Variants in SFMBT2 observed in about 807,000 individuals in gnomAD.
SFMBT2 encodes the protein Scm like with four mbt domains 2, also known as scm-like with four MBT domains protein 2.
In SFMBT2, 38 loss-of-function variants were observed where a neutral mutation model predicts 110.1. The observed-to-expected ratio is 0.35, with a 90% CI of 0.27 to 0.45. The LOEUF (loss-of-function observed/expected upper bound fraction) is 0.45, where lower values mean the gene tolerates loss of function less well. SFMBT2 is among the 20% of genes least tolerant of loss of function. The pLI, the probability that SFMBT2 is intolerant of heterozygous loss-of-function variation, is 1.00. For missense variants in SFMBT2, 1,011 were observed against 1,094.9 expected (o/e 0.92, Z 1.08); for synonymous variants, 425 against 425.4 (o/e 1.00, Z 0.01).
intron 4 of SFMBT2, chr10:7,292,360 G>A (rs1461005475): frequency 4.9e-6 from 1 of 204,534 alleles, no homozygotes; most frequent in Non-Finnish European, 8.6e-6. Flanking sequence ...TTCCCTTGGA[G>A]ATTTGTAAAG....
At chr10:7,177,256 T>C (rs1838093767) in intron 16 of SFMBT2, among the ~76,000 whole-genome samples, 1 of 152,196 alleles carries the variant, frequency 6.6e-6, no homozygotes, top group South Asian at 2.1e-4. Context: ...GTACTTCATA[T>C]GCATCTCTAT....
chr10:7,399,245 T>G (rs559238561), intron 1 of SFMBT2, among the ~76,000 whole-genome samples: 6 of 152,138 alleles, frequency 3.9e-5, no homozygotes, highest in South Asian at 4.1e-4. Context: ...GTTTTGTTTT[T>G]TTTTTGAGAC....
intron 4 of SFMBT2, among the ~76,000 whole-genome samples, chr10:7,289,812 C>G (rs1842209848): frequency 6.6e-6 from 1 of 152,132 alleles, no homozygotes; most frequent in African/African-American, 2.4e-5. Flanking sequence ...CATGGAGTTA[C>G]CTTAACCACT....
chr10:7,381,876 G>A lies in SFMBT2; in HGVS notation c.23C>T (p.Ser8Phe), dbSNP rs1845433115. MESTLSA[S>F]NMQDPSSSPL... ...TGAAGATGAAGGGTCTTGCATATTG[G>A]AAGCTGACAAAGTGCTCTCCATGCC... is the stretch of plus-strand genomic sequence containing the variant. The change falls in exon 2 of 21, where the codon TCC becomes TTC. Residue 8 changes from serine to phenylalanine, a missense_variant. By Grantham distance (155) the Ser-to-Phe change is radical. Transcript: ENST00000397167. 6.2e-7 allele frequency: 1 copy of A among 1,610,072 alleles called. No individual in the cohort carries two copies. The highest frequency in any genetic ancestry group is 1.1e-5 in the South Asian group (1 of 90,574).
chr10:7,248,506 C>T, intron 8 of SFMBT2, 42 bp downstream of exon 8: 1 of 1,514,078 alleles, frequency 6.6e-7, no homozygotes, highest in South Asian at 1.1e-5. Flanking sequence ...TAATTTGATC[C>T]ACTCTAGGGG....
intron 8 of SFMBT2, chr10:7,244,286 G>T (rs763720371): frequency 5.1e-5 from 12 of 236,512 alleles, no homozygotes; most frequent in Non-Finnish European, 7.6e-5. Flanking sequence ...CGTTTTCAAG[G>T]TACATCTCAT....
At chr10:7,227,036 A>G (rs1839918412) in intron 10 of SFMBT2, among the ~76,000 whole-genome samples, 1 of 152,234 alleles carries the variant, frequency 6.6e-6, no homozygotes, top group Non-Finnish European at 1.5e-5. Context: ...CTCTGTAAGT[A>G]CACGCATGTG....
intron 6 of SFMBT2, among the ~76,000 whole-genome samples, chr10:7,283,250 C>T (rs1336743053): frequency 1.3e-5 from 2 of 152,196 alleles, no homozygotes; most frequent in Non-Finnish European, 2.9e-5. Flanking sequence ...TGACAGAGAG[C>T]ATAAGGCAGG....
chr10:7,254,759 T>C (rs1406156166), intron 7 of SFMBT2, among the ~76,000 whole-genome samples: 2 of 151,628 alleles, frequency 1.3e-5, no homozygotes, highest in East Asian at 1.9e-4. Flanking sequence ...ACCCGGGAGG[T>C]GGAGGTTGCA....
chr10:7,206,769 G>T, intron 11 of SFMBT2: 1 of 769,288 alleles, frequency 1.3e-6, no homozygotes, highest in Non-Finnish European at 1.6e-6. Flanking sequence ...GAATAAATTT[G>T]GAACTAGTTA....
At chr10:7,318,698 AAAT>A (rs1843085590) in intron 4 of SFMBT2, among the ~76,000 whole-genome samples, 1 of 152,272 alleles carries the variant, frequency 6.6e-6, no homozygotes, top group African/African-American at 2.4e-5. Context: ...TGGAGCGAGA[AAAT>A]AATAAAGGTT....
rs183068304 is a variant in SFMBT2, at chr10:7,177,363, G to A, written c.1809-1198C>T. On this transcript the variant is annotated intron_variant, in intron 16 of 20. Coordinates refer to ENST00000397167, the MANE Select transcript of SFMBT2 (RefSeq NM_001387889.1). The stretch of plus-strand genomic sequence containing the variant: ...CCAGTTAAATCTCCCCCCGCCCCCC[G>A]CAAAAAGCGGTAAATCTAACTGAGG... 6.6e-5 allele frequency among the ~76,000 whole-genome samples: 10 copies of A among 152,014 alleles called. No homozygotes were observed. The East Asian group carries it at 7.7e-4, about 12-fold the overall frequency.
At chr10:7,178,129 TG>T (rs982723601) in intron 16 of SFMBT2, among the ~76,000 whole-genome samples, 2 of 152,190 alleles carry the variant, frequency 1.3e-5, no homozygotes, top group South Asian at 2.1e-4. Flanking sequence ...CCTCCGGTGG[TG>T]GGGGGTGACA....
intron 2 of SFMBT2, among the ~76,000 whole-genome samples, chr10:7,380,669 G>A (rs1845394336): frequency 6.6e-6 from 1 of 150,686 alleles, no homozygotes; most frequent in South Asian, 2.1e-4. Context: ...TTTTTTAAAG[G>A]TATCCTTTCT....
intron 10 of SFMBT2, among the ~76,000 whole-genome samples, chr10:7,225,126 G>A (rs1391532494): frequency 1.3e-5 from 2 of 152,008 alleles, no homozygotes; most frequent in South Asian, 2.1e-4. Context: ...CAATCCCATC[G>A]GCCGCTTGAA....
chr10:7,335,363 T>C (rs1401641995), intron 4 of SFMBT2, among the ~76,000 whole-genome samples: 1 of 152,136 alleles, frequency 6.6e-6, no homozygotes, highest in Non-Finnish European at 1.5e-5. Context: ...AATCCAACTA[T>C]ATCACACTAT....
intron 16 of SFMBT2, among the ~76,000 whole-genome samples, chr10:7,178,642 C>T (rs888384335): frequency 9.9e-5 from 15 of 152,032 alleles, no homozygotes; most frequent in Admixed American, 7.2e-4. Context: ...TGTTGCTCAT[C>T]ACTTTTAAGA....
chr10:7,268,829 A>G (rs755328807), intron 7 of SFMBT2, among the ~76,000 whole-genome samples: 4 of 152,198 alleles, frequency 2.6e-5, no homozygotes, highest in Non-Finnish European at 4.4e-5. Flanking sequence ...CTTTCTAAAC[A>G]TATCTTAAGT....
Position 7,276,985 on chromosome 10 carries a change from G to A in SFMBT2, c.777C>T (p.Ile259=), listed in dbSNP as rs759823725. 1.1e-6 allele frequency: 1 copy of A among 871,952 alleles called. No homozygotes were observed. 54.0% of individuals were successfully genotyped at this position (871,952 alleles called of 1,614,324 possible). Residue 259 remains isoleucine (I), a synonymous_variant, in exon 7 of 21, where the codon ATC becomes ATT. Transcript: ENST00000397167. ...NKYRMDPPSE[I]YPLKMASEWK... Reference sequence around the variant, plus strand: ...ATTCAGAGGCCATCTTCAAAGGATAGATTTCTGTATCAACAGCAAATCACA... The same window carrying A: ...ATTCAGAGGCCATCTTCAAAGGATAAATTTCTGTATCAACAGCAAATCACA...
Sources: gnomAD v4.1 joint callset for allele counts (sites outside exome capture counted in the v4.1 genomes callset) on GRCh38, gnomAD v4.1.1 for gene constraint, MANE v1.5 for transcripts, NCBI Gene and HGNC (gene_info 2026-07-23, HGNC 2026-07-21) for gene names.